PRDM16: variants seen among roughly 807,000 people sequenced by gnomAD.
PRDM16 encodes the protein PR/SET domain 16.
In PRDM16, 23 loss-of-function variants were observed where a neutral mutation model predicts 110.6. The ratio of observed to expected loss-of-function variants is 0.21; its 90% CI spans 0.15 to 0.29. The LOEUF (loss-of-function observed/expected upper bound fraction) is 0.29, where lower values mean the gene tolerates loss of function less well. PRDM16 is among the 10% of genes least tolerant of loss of function. PRDM16 has a pLI of 1.00. For missense variants in PRDM16, 1,615 were observed against 1,794.3 expected, an observed-to-expected ratio of 0.90 and a Z score of 1.81; for synonymous variants, 799 against 781.8, an observed-to-expected ratio of 1.02 and a Z score of -0.37.
intron 4 of PRDM16, among the ~76,000 whole-genome samples, chr1:3,385,716 C>T (rs1377952863): frequency 6.6e-6 from 1 of 152,230 alleles, no homozygotes. Context: ...GAAGAGTCCG[C>T]ACCGGCCAAT....
At chr1:3,227,849 C>G (rs1200652611) in intron 2 of PRDM16, among the ~76,000 whole-genome samples, 2 of 152,240 alleles carry the variant, frequency 1.3e-5, no homozygotes, top group African/African-American at 4.8e-5. Context: ...GGGACAGGTG[C>G]TGGGCAGCCA....
rs780483759 is a variant in PRDM16, at chr1:3,186,261, G to C, written c.174G>C (p.Glu58Asp). The C allele has an allele frequency of 2.0e-5, 33 of 1,612,162 alleles. No individual in the cohort carries two copies. The highest frequency in any genetic ancestry group is 4.0e-5 in the African/African-American group (3 of 74,920). ...CACCGTCCCCCTTCCCCACCAGCGA[G>C]GACTTCACCCCCAAGGAGGGCTCGC... ...VGPPSPFPTS[E>D]DFTPKEGSPY... The change falls in exon 2 of 17, where the codon GAG becomes GAC. Residue 58 changes from glutamate (E) to aspartate (D), a missense_variant. By Grantham distance (45) the Glu-to-Asp change is conservative. Coordinates refer to ENST00000270722, the MANE Select transcript of PRDM16 (RefSeq NM_022114.4).
chr1:3,417,600 T>G (rs1449806228), intron 10 of PRDM16, among the ~76,000 whole-genome samples: 2 of 152,120 alleles, frequency 1.3e-5, no homozygotes, highest in African/African-American at 4.8e-5. Context: ...GGAAAGACCT[T>G]AAACTACAAA....
intron 3 of PRDM16, among the ~76,000 whole-genome samples, chr1:3,292,043 C>A (rs1640984291): frequency 6.6e-6 from 1 of 152,156 alleles, no homozygotes; most frequent in Non-Finnish European, 1.5e-5. Context: ...CAGGACCCCG[C>A]AGGAAGGTGC....
intron 2 of PRDM16, among the ~76,000 whole-genome samples, chr1:3,237,300 CCCTGCTAACA>C (rs1639560698): frequency 6.6e-6 from 1 of 152,090 alleles, no homozygotes; most frequent in Non-Finnish European, 1.5e-5. Flanking sequence ...CTCATTTGCC[CCCTGCTAACA>C]CCTTTGTGCA....
At chr1:3,423,062 G>A (rs1220516390) in intron 12 of PRDM16, among the ~76,000 whole-genome samples, 4 of 152,242 alleles carry the variant, frequency 2.6e-5, no homozygotes, top group African/African-American at 4.8e-5. Flanking sequence ...CCTGGCCTCC[G>A]GCAAAGGTTG....
intron 16 of PRDM16, 123 bp downstream of exon 16, chr1:3,432,263 C>A: frequency 1.3e-6 from 1 of 761,804 alleles, no homozygotes; most frequent in Non-Finnish European, 2.2e-6. Context: ...CAAACGCCCC[C>A]ACGCTGCATC....
At chr1:3,261,291 CT>C (rs1339306911) in intron 3 of PRDM16, among the ~76,000 whole-genome samples, 1 of 152,158 alleles carries the variant, frequency 6.6e-6, no homozygotes, top group Non-Finnish European at 1.5e-5. Flanking sequence ...CCGCGAATTA[CT>C]TTTTTCCTTT....
At chr1:3,135,873 C>T (rs1028988103) in intron 1 of PRDM16, among the ~76,000 whole-genome samples, 6 of 152,260 alleles carry the variant, frequency 3.9e-5, no homozygotes, top group South Asian at 2.1e-4. Flanking sequence ...GACTCCTCTT[C>T]AATGCTCCTT....
chr1:3,070,449 G>A (rs1404096123), intron 1 of PRDM16, among the ~76,000 whole-genome samples: 3 of 148,550 alleles, frequency 2.0e-5, no homozygotes, highest in Non-Finnish European at 4.5e-5. Context: ...CCGCAGCCCC[G>A]CCGAAGCCCC....
intron 3 of PRDM16, among the ~76,000 whole-genome samples, chr1:3,276,917 A>G (rs1640598845): frequency 6.6e-6 from 1 of 151,898 alleles, no homozygotes; most frequent in Admixed American, 6.6e-5. Flanking sequence ...TTCCTCCGCC[A>G]TCTTCTCCCC....
chr1:3,170,968 T>A (rs1040161855), intron 1 of PRDM16, among the ~76,000 whole-genome samples: 10 of 152,188 alleles, frequency 6.6e-5, no homozygotes, highest in African/African-American at 2.4e-4. Flanking sequence ...GAGGCTGTCC[T>A]CCCCAGCCCG....
At chr1:3,275,331 A>G (rs929053835) in intron 3 of PRDM16, among the ~76,000 whole-genome samples, 1 of 152,218 alleles carries the variant, frequency 6.6e-6, no homozygotes, top group Non-Finnish European at 1.5e-5. Flanking sequence ...GGAATGAAAA[A>G]GTGGGGGCAC....
intron 3 of PRDM16, among the ~76,000 whole-genome samples, chr1:3,362,052 G>T (rs1463952087): frequency 6.6e-6 from 1 of 152,222 alleles, no homozygotes; most frequent in Non-Finnish European, 1.5e-5. Context: ...AGGGGTGTCT[G>T]CTGGTAGCCA....
At chr1:3,415,904 CCTGTGGAAAGACCTCAGCCCTG>C (rs972096947) in intron 10 of PRDM16, among the ~76,000 whole-genome samples, 1 of 152,252 alleles carries the variant, frequency 6.6e-6, no homozygotes, top group African/African-American at 2.4e-5. Flanking sequence ...AGAGGCCATG[CCTGTGGAAAGACCTCAGCCCTG>C]CTGCTCCGGG....
chr1:3,181,638 A>T (rs890394819), intron 1 of PRDM16, among the ~76,000 whole-genome samples: 1 of 139,794 alleles, frequency 7.2e-6, no homozygotes, highest in East Asian at 2.7e-4. Context: ...ATGCAGTCTT[A>T]CACACGGTCT....
chr1:3,078,510 G>A (rs977264416), intron 1 of PRDM16, among the ~76,000 whole-genome samples: 8 of 152,222 alleles, frequency 5.3e-5, no homozygotes, highest in Admixed American at 3.9e-4. Context: ...GCACTGGCGC[G>A]GAGGTGCCTG....
chr1:3,360,266 T>C (rs1642688963), intron 3 of PRDM16, among the ~76,000 whole-genome samples: 1 of 151,534 alleles, frequency 6.6e-6, no homozygotes, highest in Middle Eastern at 3.2e-3. Flanking sequence ...AGCAGCGGAG[T>C]CTTCTGGAGC....
intron 1 of PRDM16, among the ~76,000 whole-genome samples, chr1:3,181,502 T>C (rs1195764163): frequency 1.2e-5 from 1 of 85,222 alleles, no homozygotes; most frequent in Admixed American, 1.3e-4. Flanking sequence ...TTACGCATGG[T>C]CTTACACACG....
Sources: gnomAD v4.1 joint callset for allele counts (sites outside exome capture counted in the v4.1 genomes callset) on GRCh38, gnomAD v4.1.1 for gene constraint, MANE v1.5 for transcripts, NCBI Gene and HGNC (gene_info 2026-07-23, HGNC 2026-07-21) for gene names.